Variants in RGS6 observed in about 807,000 individuals in gnomAD.
The protein encoded by RGS6 is regulator of G-protein signaling 6.
RGS6 carries 30 observed loss-of-function variants against 78.5 expected under a neutral mutation model. The observed-to-expected ratio is 0.38, with a 90% CI of 0.29 to 0.52. The LOEUF is 0.52. Among genes scored for constraint, RGS6 ranks in the 20% least tolerant of loss-of-function variants. The probability of loss-of-function intolerance (pLI) is 0.85; values close to 1 mark genes in which losing one functional copy is unlikely to be tolerated. For missense variants in RGS6, 495 were observed against 609.7 expected (o/e 0.81, Z 1.98); for synonymous variants, 206 against 206.0 (o/e 1.00, Z 0.00).
intron 2 of RGS6, among the ~76,000 whole-genome samples, chr14:72,005,151 T>C (rs945130089): frequency 3.9e-5 from 6 of 152,222 alleles, no homozygotes; most frequent in African/African-American, 1.4e-4. Context: ...ACCTATGTAC[T>C]TCTAATGAGA....
intron 3 of RGS6, among the ~76,000 whole-genome samples, chr14:72,447,214 G>A (rs1555405639): frequency 6.6e-6 from 1 of 152,166 alleles, no homozygotes; most frequent in Non-Finnish European, 1.5e-5. Flanking sequence ...CCCCAAACCA[G>A]AAAGATGTTT....
intron 1 of RGS6, among the ~76,000 whole-genome samples, chr14:71,941,140 C>G (rs1371797559): frequency 3.3e-5 from 5 of 152,196 alleles, no homozygotes; most frequent in African/African-American, 1.2e-4. Context: ...AACTTAAGAG[C>G]AGCCAACCTG....
intron 2 of RGS6, among the ~76,000 whole-genome samples, chr14:72,114,919 G>A (rs559763007): frequency 6.6e-6 from 1 of 152,286 alleles, no homozygotes; most frequent in South Asian, 2.1e-4. Context: ...AAGTAATTAT[G>A]ATAAAGAAAA....
At chr14:72,221,142 T>C (rs918302210) in intron 2 of RGS6, among the ~76,000 whole-genome samples, 3 of 152,194 alleles carry the variant, frequency 2.0e-5, no homozygotes, top group African/African-American at 4.8e-5. Context: ...GATTTAATCA[T>C]AAAGTCACAC....
At chr14:72,451,700 A>G (rs1597705035) in intron 3 of RGS6, among the ~76,000 whole-genome samples, 1 of 152,150 alleles carries the variant, frequency 6.6e-6, no homozygotes, top group African/African-American at 2.4e-5. Context: ...CTGGGGGAGA[A>G]CTCAGCTAAT....
Position 72,152,009 on chromosome 14 carries a change from G to T in RGS6, c.84+187134G>T, listed in dbSNP as rs2096696892. 2.0e-5 allele frequency among the ~76,000 whole-genome samples: 3 copies of T among 152,080 alleles called. No homozygotes were observed. The South Asian group carries it at 6.2e-4, about 32-fold the overall frequency. On this transcript the variant is annotated intron_variant, in intron 2 of 17. Transcript: ENST00000553525. ...GTCCTTTACTTCCCAAGGAGATTTG[G>T]GTTGACTGCTTAGTTTCCTCCATCA...
At chr14:72,443,888 C>A (rs1316627634) in intron 3 of RGS6, among the ~76,000 whole-genome samples, 13 of 152,182 alleles carry the variant, frequency 8.5e-5, no homozygotes, top group African/African-American at 2.4e-4. Context: ...GTGACAGCCA[C>A]CCTCGGGGAA....
At chr14:72,446,453 G>A (rs2095365332) in intron 3 of RGS6, among the ~76,000 whole-genome samples, 1 of 152,166 alleles carries the variant, frequency 6.6e-6, no homozygotes, top group South Asian at 2.1e-4. Context: ...CCAGTCTGGA[G>A]GGCAATGAAG....
At chr14:72,305,577 T>C (rs925358445) in intron 2 of RGS6, among the ~76,000 whole-genome samples, 1 of 152,244 alleles carries the variant, frequency 6.6e-6, no homozygotes, top group Non-Finnish European at 1.5e-5. Flanking sequence ...TTTATGTTGC[T>C]ATTATAATTG....
At chr14:71,976,856 G>T (rs1309705515) in intron 2 of RGS6, among the ~76,000 whole-genome samples, 1 of 146,974 alleles carries the variant, frequency 6.8e-6, no homozygotes, top group Non-Finnish European at 1.5e-5. Flanking sequence ...CACAATGGTT[G>T]AACTAGTTTA....
At chr14:72,202,596 A>G (rs2041811150) in intron 2 of RGS6, among the ~76,000 whole-genome samples, 1 of 152,134 alleles carries the variant, frequency 6.6e-6, no homozygotes, top group Non-Finnish European at 1.5e-5. Flanking sequence ...AGAATCATCA[A>G]GGCCACTTCC....
At chr14:72,485,772 A>G (rs1326425522) in intron 12 of RGS6, among the ~76,000 whole-genome samples, 1 of 152,232 alleles carries the variant, frequency 6.6e-6, no homozygotes, top group Non-Finnish European at 1.5e-5. Flanking sequence ...TACTGAGCTC[A>G]GGAAAAGCTG....
intron 2 of RGS6, among the ~76,000 whole-genome samples, chr14:72,112,171 A>G (rs949209629): frequency 6.6e-6 from 1 of 152,184 alleles, no homozygotes; most frequent in Admixed American, 6.5e-5. Flanking sequence ...GCTCTCAGCC[A>G]CAGATGGCCC....
At chr14:72,173,078 C>G (rs1466223640) in intron 2 of RGS6, among the ~76,000 whole-genome samples, 1 of 152,132 alleles carries the variant, frequency 6.6e-6, no homozygotes. Flanking sequence ...GGAAAATACC[C>G]TCTTAGATTT....
intron 2 of RGS6, among the ~76,000 whole-genome samples, chr14:72,080,322 G>A (rs1313758519): frequency 6.6e-6 from 1 of 151,842 alleles, no homozygotes; most frequent in African/African-American, 2.4e-5. Context: ...CCATTCATAT[G>A]TCTTCTTTTG....
At chr14:72,053,128 CCTTT>C (rs1385895038) in intron 2 of RGS6, among the ~76,000 whole-genome samples, 4 of 106,586 alleles carry the variant, frequency 3.8e-5, no homozygotes, top group Non-Finnish European at 5.7e-5. Context: ...TTCCTTCCTT[CCTTT>C]CTTTTTTTGA....
At chr14:71,983,883 C>T (rs894052164) in intron 2 of RGS6, among the ~76,000 whole-genome samples, 6 of 152,194 alleles carry the variant, frequency 3.9e-5, no homozygotes, top group Admixed American at 1.3e-4. Context: ...TTTATCACCG[C>T]GTGAAGCTTA....
At chr14:72,146,908 T>C (rs1397127401) in intron 2 of RGS6, among the ~76,000 whole-genome samples, 4 of 152,216 alleles carry the variant, frequency 2.6e-5, no homozygotes, top group Non-Finnish European at 5.9e-5. Flanking sequence ...GCCTAGTTCA[T>C]CACTCTTAAG....
chr14:71,957,461 T>C (rs193034753), intron 1 of RGS6, among the ~76,000 whole-genome samples: 2 of 152,226 alleles, frequency 1.3e-5, no homozygotes, highest in East Asian at 3.9e-4. Flanking sequence ...AGAAGGCAAG[T>C]TTCCATTAAG....
Sources: allele counts gnomAD v4.1 joint callset (sites outside exome capture counted in the v4.1 genomes callset), GRCh38; gene constraint gnomAD v4.1.1; transcripts MANE v1.5; gene names NCBI Gene and HGNC (gene_info 2026-07-23, HGNC 2026-07-21).